ATP10B: variants seen among roughly 807,000 people sequenced by gnomAD.
The protein encoded by ATP10B is phospholipid-transporting ATPase VB.
A neutral mutation model predicts 141.2 loss-of-function variants in ATP10B; 122 were observed. That is an observed-to-expected ratio of 0.86 (90% CI 0.75 to 1.00). ATP10B has a LOEUF of 1.00. ATP10B is among the 50% of genes least tolerant of loss of function. The pLI is 0.00. For synonymous variants in ATP10B, 685 were observed against 692.0 expected (o/e 0.99, Z 0.16); for missense variants, 1,876 against 1,825.3 (o/e 1.03, Z -0.51).
At chr5:160,730,149 T>C (rs1160854228) in intron 2 of ATP10B, among the ~76,000 whole-genome samples, 2 of 147,044 alleles carry the variant, frequency 1.4e-5, no homozygotes, top group Non-Finnish European at 3.0e-5. Flanking sequence ...ATAAATCATA[T>C]AATGCTGACA....
At chr5:160,579,085 G>C (rs1005380389) in intron 24 of ATP10B, among the ~76,000 whole-genome samples, 2 of 152,174 alleles carry the variant, frequency 1.3e-5, no homozygotes, top group African/African-American at 4.8e-5. Context: ...CCCTTTGTCA[G>C]ATGGATAGAT....
At chr5:160,755,838 AATATATATATATATATATATATAT>A (rs1181077522) in intron 2 of ATP10B, among the ~76,000 whole-genome samples, 20 of 45,418 alleles carry the variant, frequency 4.4e-4, no homozygotes, top group African/African-American at 1.3e-3. Flanking sequence ...AAAAAAAAAA[AATATATATATATATATATATATAT>A]ATATATATAT....
chr5:160,671,107 G>A lies in ATP10B; in HGVS notation c.471-440C>T, dbSNP rs369904961. Among the ~76,000 whole-genome samples, 13 of 142,058 alleles carry A rather than the reference G, an allele frequency of 9.2e-5. No homozygotes were observed. The East Asian group carries it at 1.8e-3, about 19-fold the overall frequency. The allele number at this position is 142,058 out of a possible 152,430, so 93.2% of individuals were successfully genotyped here. A position where few individuals can be genotyped will look rare whatever the true frequency, so the allele number is the denominator to read the frequency against. On this transcript the variant is annotated intron_variant, in intron 6 of 25. Transcript: ENST00000327245. ...TTGAACCTGGGAGGCGGAGGTTGCA[G>A]TGAGCCGAGATTGCGCCACTGCACT...
chr5:160,641,605 C>T (rs1437283566), intron 9 of ATP10B, among the ~76,000 whole-genome samples: 2 of 152,172 alleles, frequency 1.3e-5, no homozygotes, highest in Non-Finnish European at 1.5e-5. Flanking sequence ...GTGTAGTTCT[C>T]CTTTCACCAA....
chr5:160,681,191 G>A (rs2081078649), intron 6 of ATP10B, among the ~76,000 whole-genome samples: 1 of 152,166 alleles, frequency 6.6e-6, no homozygotes, highest in African/African-American at 2.4e-5. Context: ...CTGACAGCTG[G>A]GTTAAACAAA....
chr5:160,618,189 C>T (rs1319358728), intron 15 of ATP10B, among the ~76,000 whole-genome samples: 2 of 152,198 alleles, frequency 1.3e-5, no homozygotes, highest in African/African-American at 4.8e-5. Flanking sequence ...TACATCTTTT[C>T]ATCAAAAGCC....
chr5:160,899,399 G>T, the ATP10B span, among the ~76,000 whole-genome samples: 21 of 152,086 alleles, frequency 1.4e-4, no homozygotes, highest in Non-Finnish European at 2.9e-5. Context: ...GGGAGACAGG[G>T]TGGTGATATG....
intron 1 of ATP10B, among the ~76,000 whole-genome samples, chr5:160,850,963 C>T (rs1403119208): frequency 6.6e-6 from 1 of 152,118 alleles, no homozygotes; most frequent in Non-Finnish European, 1.5e-5. Context: ...CTGTGATCTG[C>T]CTGATTAATG....
At chr5:160,680,053 C>T (rs373772176) in intron 6 of ATP10B, among the ~76,000 whole-genome samples, 9 of 152,236 alleles carry the variant, frequency 5.9e-5, no homozygotes, top group East Asian at 1.9e-4. Flanking sequence ...AATGCTCTAA[C>T]GGGATTGTAA....
intron 2 of ATP10B, among the ~76,000 whole-genome samples, chr5:160,728,150 T>C (rs1191564136): frequency 6.6e-6 from 1 of 152,192 alleles, no homozygotes; most frequent in Non-Finnish European, 1.5e-5. Flanking sequence ...AATGTAGATT[T>C]ACTGGGCACT....
At chr5:160,707,465 G>A (rs914436636) in intron 3 of ATP10B, among the ~76,000 whole-genome samples, 11 of 152,108 alleles carry the variant, frequency 7.2e-5, no homozygotes, top group African/African-American at 2.7e-4. Flanking sequence ...GGGACTCTCT[G>A]GTTATTATAA....
intron 7 of ATP10B, among the ~76,000 whole-genome samples, chr5:160,652,795 T>A (rs1434320051): frequency 1.0e-5 from 1 of 98,542 alleles, no homozygotes; most frequent in Non-Finnish European, 1.8e-5. Flanking sequence ...TAAAAATATA[T>A]AATATATTAT....
rs1417851031 is a variant in ATP10B, at chr5:160,833,624, G to A, written c.-576+18317C>T. On this transcript the variant is annotated intron_variant, in intron 1 of 25. Coordinates refer to ENST00000327245, the MANE Select transcript of ATP10B (RefSeq NM_025153.3). ...AATAGTCAATTGTAGAAGTACAGAC[G>A]TTAGAATTAGAAGACAAATATTATA... is the stretch of plus-strand genomic sequence containing the variant. 9.2e-5 allele frequency among the ~76,000 whole-genome samples: 14 copies of A among 152,214 alleles called. No homozygotes were observed. In the South Asian group the frequency reaches 1.2e-3, roughly 14 times the overall value.
the ATP10B span, among the ~76,000 whole-genome samples, chr5:160,870,436 GA>G: frequency 6.6e-6 from 1 of 151,260 alleles, no homozygotes; most frequent in Non-Finnish European, 1.5e-5. Flanking sequence ...AATTTGAGGA[GA>G]CAGAACAAGC....
At chr5:160,842,020 C>T (rs1462515434) in intron 1 of ATP10B, among the ~76,000 whole-genome samples, 1 of 152,134 alleles carries the variant, frequency 6.6e-6, no homozygotes, top group East Asian at 1.9e-4. Flanking sequence ...CCATCGCGCC[C>T]GGCCTACAAG....
the ATP10B span, among the ~76,000 whole-genome samples, chr5:160,889,938 CT>C: frequency 1.3e-5 from 2 of 152,124 alleles, no homozygotes; most frequent in African/African-American, 4.8e-5. Context: ...TAAGCTTTTC[CT>C]TCTACATAGA....
rs758057534 is a variant in ATP10B at position 160,634,455 on chromosome 5, A to C, written c.1280T>G (p.Ile427Ser). ...CGTCTTATCGGAGAAGATGTACTGGATCTGGCCCAAGTCCTCTGCGATGTT... is the reference window on the plus strand; with the variant it reads ...CGTCTTATCGGAGAAGATGTACTGGCTCTGGCCCAAGTCCTCTGCGATGTT... ...ALNIAEDLGQ[I>S]QYIFSDKTGT... Residue 427 changes from isoleucine (I) to serine (S), a missense_variant, in exon 12 of 26, where the codon ATC (isoleucine) becomes AGC (serine). Ile to Ser is a moderately radical substitution (Grantham distance 142). Transcript: ENST00000327245. The C allele has an allele frequency of 3.1e-6, 5 of 1,614,028 alleles. No individual in the cohort carries two copies. In the East Asian group the frequency reaches 8.9e-5, roughly 29 times the overall value.
chr5:160,720,825 TG>T (rs1224998624), intron 2 of ATP10B, among the ~76,000 whole-genome samples: 1 of 152,260 alleles, frequency 6.6e-6, no homozygotes, highest in Non-Finnish European at 1.5e-5. Context: ...ACTGTAGCTT[TG>T]GTAGAGAAGC....
At chr5:160,632,701 T>G (rs1356028950) in intron 12 of ATP10B, 1 of 200,550 alleles carries the variant, frequency 5.0e-6, no homozygotes. Context: ...TTAAAATAAC[T>G]AGCATACTCT....
Sources: allele counts gnomAD v4.1 joint callset (sites outside exome capture counted in the v4.1 genomes callset), GRCh38; gene constraint gnomAD v4.1.1; transcripts MANE v1.5; gene names NCBI Gene and HGNC (gene_info 2026-07-23, HGNC 2026-07-21).